The following CACNA1C variants were observed in gnomAD, a reference collection of about 807,000 sequenced individuals.
CACNA1C encodes the protein calcium voltage-gated channel subunit alpha1 C, also known as voltage-dependent L-type calcium channel subunit alpha-1C.
In CACNA1C, 30 loss-of-function variants were observed where a neutral mutation model predicts 229.0. The observed-to-expected ratio is 0.13, with a 90% CI of 0.10 to 0.18. The LOEUF is 0.18. Ranked by LOEUF, CACNA1C falls within the 10% of genes least tolerant of loss-of-function variation. The pLI is 1.00. For synonymous variants in CACNA1C, 1,114 were observed against 1,132.5 expected, an observed-to-expected ratio of 0.98 and a Z score of 0.33; for missense variants, 1,658 against 2,845.0, an observed-to-expected ratio of 0.58 and a Z score of 9.49.
At position 2,375,315 on chromosome 12, in the gene CACNA1C, G is replaced by T. The variant is rs138391847; in HGVS notation, c.478-73661G>T. Among the ~76,000 whole-genome samples, 293 of 152,294 alleles carry T rather than the reference G, an allele frequency of 1.9e-3. 2 individuals carry two copies. The highest frequency in any genetic ancestry group is 6.9e-3 in the African/African-American group (286 of 41,556). On this transcript the variant is annotated intron_variant, in intron 3 of 46. Transcript: ENST00000399655. Reference sequence around the variant, plus strand: ...GATCTGCAAGGTACAAGCAGGGCTTGCTTGGGGTTCTGATGAGAATGATGC... The same window carrying T: ...GATCTGCAAGGTACAAGCAGGGCTTTCTTGGGGTTCTGATGAGAATGATGC...
At chr12:2,556,537 G>C (rs1321323141) in intron 10 of CACNA1C, among the ~76,000 whole-genome samples, 2 of 152,188 alleles carry the variant, frequency 1.3e-5, no homozygotes, top group South Asian at 2.1e-4. Flanking sequence ...CTGGGCTCTG[G>C]CAGACAGCTG....
intron 3 of CACNA1C, among the ~76,000 whole-genome samples, chr12:2,254,233 T>G (rs1227928080): frequency 1.3e-5 from 2 of 152,100 alleles, no homozygotes; most frequent in Non-Finnish European, 2.9e-5. Flanking sequence ...TCCCTCCAGT[T>G]GTTCTCAGGG....
chr12:2,490,997 A>T (rs1597903460), intron 6 of CACNA1C, among the ~76,000 whole-genome samples: 1 of 152,358 alleles, frequency 6.6e-6, no homozygotes, highest in South Asian at 2.1e-4. Flanking sequence ...CCAGACGTCC[A>T]TCAGCTGGTG....
chr12:2,160,142 C>G (rs190324361), intron 3 of CACNA1C, among the ~76,000 whole-genome samples: 1 of 152,108 alleles, frequency 6.6e-6, no homozygotes, highest in Non-Finnish European at 1.5e-5. Context: ...GGCCCTAGTG[C>G]GATGTCAGGG....
At chr12:2,264,035 C>T (rs1409203755) in intron 3 of CACNA1C, among the ~76,000 whole-genome samples, 1 of 152,214 alleles carries the variant, frequency 6.6e-6, no homozygotes, top group Non-Finnish European at 1.5e-5. Context: ...TCCCAAAGAG[C>T]AGCAGAGTAG....
intron 3 of CACNA1C, among the ~76,000 whole-genome samples, chr12:2,427,493 G>A (rs1345389663): frequency 2.0e-5 from 3 of 148,018 alleles, no homozygotes; most frequent in African/African-American, 7.6e-5. Flanking sequence ...TGAAGATCAA[G>A]AATTCCCAGA....
At chr12:2,315,741 G>A (rs2095657262) in intron 3 of CACNA1C, among the ~76,000 whole-genome samples, 1 of 152,216 alleles carries the variant, frequency 6.6e-6, no homozygotes, top group African/African-American at 2.4e-5. Context: ...AGGTGCGTGT[G>A]TACAATTTCC....
chr12:2,239,032 T>C (rs2068652927), intron 3 of CACNA1C, among the ~76,000 whole-genome samples: 1 of 152,202 alleles, frequency 6.6e-6, no homozygotes, highest in South Asian at 2.1e-4. Context: ...ATAACACATA[T>C]GAACCATTTA....
At chr12:2,680,195 T>C (rs1375782546) in intron 42 of CACNA1C, among the ~76,000 whole-genome samples, 1 of 151,814 alleles carries the variant, frequency 6.6e-6, no homozygotes, top group African/African-American at 2.4e-5. Context: ...TTCCATTGCT[T>C]CCCTGGAGCC....
At position 2,354,184 on chromosome 12, in the gene CACNA1C, GC is replaced by G. The variant is rs1339774602; in HGVS notation, c.478-94788del. 6.6e-6 allele frequency among the ~76,000 whole-genome samples: 1 copy of G among 152,146 alleles called. No individual in the cohort carries two copies. The highest frequency in any genetic ancestry group is 2.4e-5 in the African/African-American group (1 of 41,434). ...TCCAGAACCCCTTAACCCAGTGGAA[GC>G]CCCGCCTTTCATGTGGGCCCCGCAC... On this transcript the variant is annotated intron_variant, in intron 3 of 46. Transcript: ENST00000399655. This position sits in a 1 kb window ranked among gnomAD's most constrained non-coding sequence, Gnocchi z 4.6.
intron 3 of CACNA1C, among the ~76,000 whole-genome samples, chr12:2,433,947 G>A (rs1466896374): frequency 6.6e-6 from 1 of 152,144 alleles, no homozygotes; most frequent in Non-Finnish European, 1.5e-5. Flanking sequence ...AGCAATAATA[G>A]TGGTGATTTT....
chr12:2,500,335 G>A (rs2099756555), intron 7 of CACNA1C, among the ~76,000 whole-genome samples: 3 of 152,206 alleles, frequency 2.0e-5, no homozygotes, highest in South Asian at 4.1e-4. Context: ...CTCTCACCTT[G>A]TGTGTGGCGC....
chr12:1,997,850 T>C (rs1418738489), intron 1 of CACNA1C: 2 of 1,079,286 alleles, frequency 1.9e-6, no homozygotes, highest in Non-Finnish European at 1.4e-6. Context: ...GAAATAAAAC[T>C]GCATGCACTT....
Position 2,053,420 on chromosome 12 carries a change from GA to G in CACNA1C, c.-140del, listed in dbSNP as rs1265988293. 2.1e-6 allele frequency: 3 copies of G among 1,415,390 alleles called. No homozygotes were observed. The African/African-American group carries it at 4.4e-5, about 21-fold the overall frequency. The allele number at this position is 1,415,390 out of a possible 1,614,324, so 87.7% of individuals were successfully genotyped here. ...TCAGGTAATCGTCGGCGGGGAAGAA[GA>G]AACGCTGCAGACCACGGCTTCCTCG... On this transcript the variant is annotated 5_prime_UTR_variant, in exon 1 of 47. Transcript: ENST00000399655. This position sits in a 1 kb window ranked among gnomAD's most constrained non-coding sequence, Gnocchi z 5.8.
chr12:2,075,326 T>C (rs1383231147), intron 1 of CACNA1C, among the ~76,000 whole-genome samples: 2 of 152,174 alleles, frequency 1.3e-5, no homozygotes, highest in African/African-American at 4.8e-5. Flanking sequence ...AATCTAAGTG[T>C]GTCCCATACT....
At chr12:2,481,165 A>C (rs761432568) in intron 5 of CACNA1C, among the ~76,000 whole-genome samples, 17 of 152,148 alleles carry the variant, frequency 1.1e-4, no homozygotes, top group Admixed American at 1.1e-3. Flanking sequence ...TTCATCCCAA[A>C]AGTAGGGCTT....
intron 37 of CACNA1C, chr12:2,668,702 G>C (rs2096376688): frequency 2.0e-6 from 1 of 503,184 alleles, no homozygotes; most frequent in Admixed American, 3.3e-5. Flanking sequence ...TAAACAAGCA[G>C]ATCTCATGAG....
At chr12:1,996,634 A>C (rs2470398) in intron 1 of CACNA1C, among the ~76,000 whole-genome samples, 18,713 of 122,474 alleles carry the variant, frequency 0.15, 2,460 homozygotes, top group Admixed American at 0.22. Flanking sequence ...AAAAAAAAAA[A>C]AAAAAAAAAA....
At chr12:2,007,288 T>C (rs983105607) in intron 1 of CACNA1C, among the ~76,000 whole-genome samples, 1 of 152,236 alleles carries the variant, frequency 6.6e-6, no homozygotes, top group Non-Finnish European at 1.5e-5. Context: ...AATTTTTCAG[T>C]CTTTCCATCT....
Sources: gnomAD v4.1 joint callset for allele counts (sites outside exome capture counted in the v4.1 genomes callset) on GRCh38, gnomAD v4.1.1 for gene constraint, Gnocchi (gnomAD v3.1) non-coding constraint, MANE v1.5 for transcripts, NCBI Gene and HGNC (gene_info 2026-07-23, HGNC 2026-07-21) for gene names.